GLI2: variants seen among roughly 807,000 people sequenced by gnomAD.
The protein encoded by GLI2 is transcription activator GLI2.
A neutral mutation model predicts 78.9 loss-of-function variants in GLI2; 22 were observed. The observed-to-expected ratio is 0.28, with a 90% CI of 0.20 to 0.40. The LOEUF (loss-of-function observed/expected upper bound fraction) is 0.40. GLI2 is among the 10% of genes least tolerant of loss of function. GLI2 has a pLI of 1.00. For synonymous variants in GLI2, 974 were observed against 963.7 expected (o/e 1.01, Z -0.20); for missense variants, 2,097 against 2,213.2 (o/e 0.95, Z 1.05).
chr2:120,833,843 C>A (rs1256620818), intron 2 of GLI2, among the ~76,000 whole-genome samples: 2 of 152,130 alleles, frequency 1.3e-5, no homozygotes, highest in Non-Finnish European at 2.9e-5. Context: ...ACCCACAAAC[C>A]CAGTTTTAAA....
intron 8 of GLI2, chr2:120,972,736 G>A (rs200067262): frequency 5.1e-5 from 26 of 512,348 alleles, no homozygotes; most frequent in Middle Eastern, 3.2e-4. Context: ...AGTGAGTGGC[G>A]TGGTGAGGGG....
chr2:120,923,135 A>G (rs1573607161), intron 2 of GLI2, among the ~76,000 whole-genome samples: 2 of 19,208 alleles, frequency 1.0e-4, no homozygotes, highest in South Asian at 3.4e-3. Context: ...ACACACACAT[A>G]TGGCACACAT....
intron 2 of GLI2, 81 bp downstream of exon 2, chr2:120,797,549 A>G (rs1315664348): frequency 6.6e-6 from 9 of 1,372,816 alleles, no homozygotes; most frequent in South Asian, 3.5e-5. Flanking sequence ...GTGGTGGCCC[A>G]TGTCGTCAGG....
chr2:120,761,074 G>A (rs1249108451), intron 1 of GLI2, among the ~76,000 whole-genome samples: 1 of 152,202 alleles, frequency 6.6e-6, no homozygotes, highest in African/African-American at 2.4e-5. Context: ...TCCATCTATG[G>A]CTGGTTTGGA....
chr2:120,883,624 G>A (rs1467913990), intron 2 of GLI2, among the ~76,000 whole-genome samples: 1 of 152,224 alleles, frequency 6.6e-6, no homozygotes, highest in Non-Finnish European at 1.5e-5. Flanking sequence ...AGTCTCATGA[G>A]GGTAGTTATT....
intron 6 of GLI2, among the ~76,000 whole-genome samples, chr2:120,969,337 A>G (rs953036030): frequency 6.6e-6 from 1 of 152,136 alleles, no homozygotes; most frequent in Non-Finnish European, 1.5e-5. Flanking sequence ...GGCACACCCA[A>G]GCCTCACTGA....
At chr2:120,862,768 C>T (rs1687962223) in intron 2 of GLI2, among the ~76,000 whole-genome samples, 1 of 152,236 alleles carries the variant, frequency 6.6e-6, no homozygotes, top group Admixed American at 6.5e-5. Flanking sequence ...GTTAGCAATA[C>T]AGCCAAAGTG....
intron 2 of GLI2, among the ~76,000 whole-genome samples, chr2:120,882,072 G>C (rs952933377): frequency 6.6e-6 from 1 of 152,122 alleles, no homozygotes; most frequent in African/African-American, 2.4e-5. Flanking sequence ...ATAACTTGCA[G>C]ATCAAACAAT....
rs1257815002 is a variant in GLI2, at chr2:120,797,459, G to T, written c.139G>T (p.Ala47Ser). The change falls in exon 2 of 14, where the codon GCC (alanine) becomes TCC (serine). Residue 47 changes from alanine (A) to serine (S), a missense_variant. Around this residue, in one of 5 missense-constraint regions of GLI2, gnomAD observed 578 missense variants for 612.0 expected, o/e 0.94. Transcript: ENST00000361492. ...VAAAAAAAVA[A>S]QGVPQHLLPP... ...TGCAGCGGCAGCAGCAGCGGTAGCT[G>T]CCCAAGGAGGTACTTTCTGTTTCGC... The T allele has an allele frequency of 6.2e-7, 1 of 1,613,788 alleles. No homozygotes were observed. The highest frequency in any genetic ancestry group is 8.5e-7 in the Non-Finnish European group (1 of 1,179,846).
At chr2:120,887,449 C>T (rs1160850735) in intron 2 of GLI2, among the ~76,000 whole-genome samples, 2 of 152,240 alleles carry the variant, frequency 1.3e-5, no homozygotes, top group Non-Finnish European at 2.9e-5. Context: ...TTGTAATCAA[C>T]AGCAGAGAGA....
intron 3 of GLI2, among the ~76,000 whole-genome samples, chr2:120,937,268 T>G (rs1680243176): frequency 6.6e-6 from 1 of 152,126 alleles, no homozygotes; most frequent in African/African-American, 2.4e-5. Flanking sequence ...TTGTATAAAT[T>G]TATGGGGTGC....
chr2:120,888,898 G>A (rs1256685858), intron 2 of GLI2, among the ~76,000 whole-genome samples: 1 of 152,186 alleles, frequency 6.6e-6, no homozygotes, highest in Non-Finnish European at 1.5e-5. Context: ...CGTGTTTCTA[G>A]TTCTCCATGT....
intron 2 of GLI2, among the ~76,000 whole-genome samples, chr2:120,801,048 C>A (rs1429444219): frequency 6.6e-6 from 1 of 152,188 alleles, no homozygotes; most frequent in African/African-American, 2.4e-5. Flanking sequence ...GTCACCAGTT[C>A]CGAGAGCTTC....
intron 2 of GLI2, among the ~76,000 whole-genome samples, chr2:120,839,751 C>T (rs1435100038): frequency 2.0e-5 from 3 of 151,944 alleles, no homozygotes; most frequent in African/African-American, 7.3e-5. Flanking sequence ...TTAGTAGAGA[C>T]GTAGTTTCAT....
At chr2:120,931,363 C>G (rs949889961) in intron 3 of GLI2, among the ~76,000 whole-genome samples, 1 of 152,228 alleles carries the variant, frequency 6.6e-6, no homozygotes, top group South Asian at 2.1e-4. Context: ...CCCTGCTTCT[C>G]TCTTCTAAGG....
intron 1 of GLI2, among the ~76,000 whole-genome samples, chr2:120,741,608 C>T (rs1331040038): frequency 6.6e-6 from 1 of 152,092 alleles, no homozygotes; most frequent in Non-Finnish European, 1.5e-5. Flanking sequence ...CTCCCGTTCC[C>T]TCCGCCTCCT....
At chr2:120,947,660 A>T (rs900897867) in intron 3 of GLI2, among the ~76,000 whole-genome samples, 1 of 151,736 alleles carries the variant, frequency 6.6e-6, no homozygotes, top group African/African-American at 2.4e-5. Flanking sequence ...ATGCATATAA[A>T]CCCCCTACCA....
chr2:120,739,706 T>G (rs1028643207), intron 1 of GLI2, among the ~76,000 whole-genome samples: 1 of 152,176 alleles, frequency 6.6e-6, no homozygotes, highest in Admixed American at 6.5e-5. Flanking sequence ...GGGGGAGCAC[T>G]TCCCCCCTTT....
intron 2 of GLI2, among the ~76,000 whole-genome samples, chr2:120,877,297 G>A (rs1374412081): frequency 1.3e-5 from 2 of 152,228 alleles, no homozygotes; most frequent in Non-Finnish European, 2.9e-5. Context: ...AGGGCCTTGT[G>A]TGTAGATATT....
Sources: allele counts gnomAD v4.1 joint callset (sites outside exome capture counted in the v4.1 genomes callset), GRCh38; gene constraint gnomAD v4.1.1; regional missense constraint gnomAD v4.1.1; transcripts MANE v1.5; gene names NCBI Gene and HGNC (gene_info 2026-07-23, HGNC 2026-07-21).